The following PRDM6 variants were observed in gnomAD, a reference collection of about 807,000 sequenced individuals.
PRDM6 encodes the protein putative histone-lysine N-methyltransferase PRDM6.
A neutral mutation model predicts 60.8 loss-of-function variants in PRDM6; 25 were observed. The observed-to-expected ratio is 0.41, with a 90% CI of 0.30 to 0.57. The LOEUF is 0.57. PRDM6 is among the 20% of genes least tolerant of loss of function. PRDM6 has a pLI of 0.27. For missense variants in PRDM6, 839 were observed against 821.3 expected (o/e 1.02, Z -0.26); for synonymous variants, 407 against 357.4 (o/e 1.14, Z -1.57).
At chr5:123,186,359 C>CT (rs537628849) in intron 7 of PRDM6, among the ~76,000 whole-genome samples, 3 of 152,152 alleles carry the variant, frequency 2.0e-5, no homozygotes, top group Admixed American at 1.3e-4. Flanking sequence ...AGATTACAGT[C>CT]TTTTTTTGTT....
At chr5:123,139,332 C>T (rs1398711549) in intron 3 of PRDM6, among the ~76,000 whole-genome samples, 1 of 151,938 alleles carries the variant, frequency 6.6e-6, no homozygotes, top group Non-Finnish European at 1.5e-5. Context: ...GAGGTCTAAA[C>T]TGGCTGAAGT....
chr5:123,168,279 A>G (rs570601828), intron 5 of PRDM6, among the ~76,000 whole-genome samples: 29 of 152,356 alleles, frequency 1.9e-4, no homozygotes, highest in African/African-American at 7.0e-4. Flanking sequence ...GTAAGTATAT[A>G]TAACATGTAT....
intron 2 of PRDM6, among the ~76,000 whole-genome samples, chr5:123,091,855 G>A (rs1417346122): frequency 1.3e-5 from 2 of 151,930 alleles, no homozygotes; most frequent in South Asian, 2.1e-4. Context: ...AATGTCTACC[G>A]CTCTGTGAAC....
At chr5:123,156,211 A>G (rs533290410) in intron 4 of PRDM6, among the ~76,000 whole-genome samples, 200 bp downstream of exon 4, 65 of 152,266 alleles carry the variant, frequency 4.3e-4, no homozygotes, top group South Asian at 2.5e-3. Context: ...TAGGATTAAA[A>G]GTGCTCGTAG....
intron 7 of PRDM6, among the ~76,000 whole-genome samples, chr5:123,182,258 G>A (rs1335895277): frequency 6.6e-6 from 1 of 152,184 alleles, no homozygotes; most frequent in Non-Finnish European, 1.5e-5. Flanking sequence ...GCCCCGTAGG[G>A]TTCCTAGGTT....
At position 123,159,508 on chromosome 5, in the gene PRDM6, G is replaced by T; in HGVS notation, c.1029-6G>T. On this transcript the variant is annotated splice_polypyrimidine_tract_variant and splice_region_variant and intron_variant, in intron 4 of 7. Transcript: ENST00000407847. Reference sequence around the variant, plus strand: ...ACTAAGCTGGGTTTTCTTTTGTTTTGAATAGGTCGAATATATTCTACCGAG... The same window carrying T: ...ACTAAGCTGGGTTTTCTTTTGTTTTTAATAGGTCGAATATATTCTACCGAG... 6.4e-7 allele frequency: 1 copy of T among 1,550,512 alleles called. No individual in the cohort carries two copies. Among genetic ancestry groups the T allele is most frequent in the Non-Finnish European group, 8.7e-7 (1 of 1,146,432 alleles).
At chr5:123,111,639 A>G (rs1400355407) in intron 3 of PRDM6, among the ~76,000 whole-genome samples, 2 of 151,842 alleles carry the variant, frequency 1.3e-5, no homozygotes, top group Non-Finnish European at 2.9e-5. Flanking sequence ...CGGAGCTTGC[A>G]GTGATCCAAG....
At chr5:123,090,667 G>C in intron 2 of PRDM6, 61 bp downstream of exon 2, 2 of 1,286,046 alleles carry the variant, frequency 1.6e-6, no homozygotes, top group Non-Finnish European at 2.1e-6. Flanking sequence ...CGGCGGGCGC[G>C]GGTGCCTGTC....
chr5:123,169,570 G>A (rs578005351), intron 5 of PRDM6, among the ~76,000 whole-genome samples: 13 of 152,254 alleles, frequency 8.5e-5, no homozygotes, highest in South Asian at 2.1e-4. Context: ...TCATAGGGCC[G>A]AACATCTATT....
intron 3 of PRDM6, among the ~76,000 whole-genome samples, chr5:123,152,379 A>T (rs1765387776): frequency 6.6e-6 from 1 of 152,182 alleles, no homozygotes; most frequent in Admixed American, 6.5e-5. Flanking sequence ...ACTGCCAGAG[A>T]TCGAGGACCC....
At chr5:123,171,424 C>G (rs1410767726) in intron 6 of PRDM6, among the ~76,000 whole-genome samples, 1 of 152,186 alleles carries the variant, frequency 6.6e-6, no homozygotes, top group East Asian at 1.9e-4. Flanking sequence ...TTAGAATCTT[C>G]TCTGTCTTCC....
chr5:123,090,313 C>CCGCTGCCGCCGCGCT lies in PRDM6; in HGVS notation c.300_314dup (p.Ala102_Ala106dup), dbSNP rs1253859192. On this transcript the variant is annotated inframe_insertion, in exon 2 of 8. Coordinates refer to ENST00000407847, the MANE Select transcript of PRDM6 (RefSeq NM_001136239.4). ...TCCGCCTCCTCCTGCGCTGCTGCGG[C>CCGCTGCCGCCGCGCT]CGCTGCCGCCGCGCTGGCTGGTCTC... The CCGCTGCCGCCGCGCT allele has an allele frequency of 6.7e-7, 1 of 1,482,370 alleles. No homozygotes were observed. Among genetic ancestry groups the CCGCTGCCGCCGCGCT allele is most frequent in the Non-Finnish European group, 8.9e-7 (1 of 1,119,394 alleles). 91.8% of individuals were successfully genotyped at this position (1,482,370 alleles called of 1,614,324 possible).
At chr5:123,090,659 G>T in intron 2 of PRDM6, 53 bp downstream of exon 2, 7 of 1,379,736 alleles carry the variant, frequency 5.1e-6, no homozygotes, top group South Asian at 1.3e-5. Context: ...GCCGGCGCCG[G>T]CGGGCGCGGG....
In PRDM6 at chr5:123,127,733, C is replaced by CT. The variant is rs1561833658; in HGVS notation, c.900+27774dup. On this transcript the variant is annotated intron_variant, in intron 3 of 7. Transcript: ENST00000407847. Reference sequence around the variant, plus strand: ...TTCTCTTTCTTTCTTTCTTTCTTTCCTTCTTTCCTTTCTTTCCTTTCTTTC... The same window carrying CT: ...TTCTCTTTCTTTCTTTCTTTCTTTCCTTTCTTTCCTTTCTTTCCTTTCTTTC... Among the ~76,000 whole-genome samples the CT allele has an allele frequency of 2.9e-3, 405 of 140,714 alleles. 2 individuals carry two copies. The Middle Eastern group carries it at 0.043, about 15-fold the overall frequency. The allele number at this position is 140,714 out of a possible 152,430, so 92.3% of individuals were successfully genotyped here.
chr5:123,122,267 C>G (rs376871934), intron 3 of PRDM6, among the ~76,000 whole-genome samples: 3 of 149,516 alleles, frequency 2.0e-5, no homozygotes, highest in Non-Finnish European at 4.4e-5. Flanking sequence ...TATAAATGTT[C>G]TAGTGGGGAT....
chr5:123,112,802 T>TC (rs1246246391), intron 3 of PRDM6, among the ~76,000 whole-genome samples: 2 of 139,156 alleles, frequency 1.4e-5, no homozygotes, highest in African/African-American at 5.2e-5. Context: ...TTTTTTTTTT[T>TC]TTTTTTTGCT....
At chr5:123,139,244 G>A (rs1231948248) in intron 3 of PRDM6, among the ~76,000 whole-genome samples, 2 of 152,100 alleles carry the variant, frequency 1.3e-5, no homozygotes, top group East Asian at 1.9e-4. Context: ...CACTAGTTCA[G>A]TTTTTAAATG....
Position 123,090,582 on chromosome 5 carries a change from C to G in PRDM6, c.568C>G (p.Gln190Glu). 2 of 1,525,080 alleles carry G rather than the reference C, an allele frequency of 1.3e-6. No individual in the cohort carries two copies. The highest frequency in any genetic ancestry group is 1.7e-6 in the Non-Finnish European group (2 of 1,143,436). The allele number at this position is 1,525,080 out of a possible 1,614,324, so 94.5% of individuals were successfully genotyped here. ...GCGCATGGAGATCATCCCGCTCAAC[C>G]AGCACACCAGCGACCCCAACAACCG... ...QQRMEIIPLN[Q>E]HTSDPNNRCD... is the part of the protein sequence containing the mutation. Residue 190 changes from glutamine to glutamate, a missense_variant, in exon 2 of 8, where the codon CAG (glutamine) becomes GAG (glutamate). By Grantham distance (29) the Gln-to-Glu change is conservative (BLOSUM62 2). Transcript: ENST00000407847.
chr5:123,186,138 C>T lies in PRDM6; in HGVS notation c.1674-949C>T, dbSNP rs1766284268. 3.9e-5 allele frequency among the ~76,000 whole-genome samples: 6 copies of T among 152,182 alleles called. 1 individual carries two copies. The South Asian group carries it at 1.2e-3, about 32-fold the overall frequency. ...GGTGATGGAGAAGTCGCTGTCTGTG[C>T]CCAGCCAGCTGCCACAGTTCATCTG... On this transcript the variant is annotated intron_variant, in intron 7 of 7. Transcript: ENST00000407847.
Sources: gnomAD v4.1 joint callset for allele counts (sites outside exome capture counted in the v4.1 genomes callset) on GRCh38, gnomAD v4.1.1 for gene constraint, MANE v1.5 for transcripts, NCBI Gene and HGNC (gene_info 2026-07-23, HGNC 2026-07-21) for gene names.